DST: variants seen among roughly 807,000 people sequenced by gnomAD.
The protein encoded by DST is bullous pemphigoid antigen.
Under a neutral mutation model 875.2 loss-of-function variants are expected in DST, and 253 were observed. That is an observed-to-expected ratio of 0.29 (90% CI 0.26 to 0.32). The LOEUF is 0.32. DST is among the 10% of genes least tolerant of loss of function. DST has a pLI of 1.00. For synonymous variants in DST, 3,124 were observed against 3,197.1 expected (o/e 0.98, Z 0.77); for missense variants, 8,287 against 9,111.6 (o/e 0.91, Z 3.68).
At chr6:56,812,109 A>AAAAAGAAAAAAAAAGAAAAG (rs2099760879) in intron 4 of DST, among the ~76,000 whole-genome samples, 1 of 111,802 alleles carries the variant, frequency 8.9e-6, no homozygotes, top group Admixed American at 1.1e-4. Flanking sequence ...CTCAAAAAAA[A>AAAAAGAAAAAAAAAGAAAAG]AAAAGAAAAG....
chr6:56,718,375 C>G (rs545954744), intron 5 of DST, among the ~76,000 whole-genome samples: 4 of 152,188 alleles, frequency 2.6e-5, no homozygotes, highest in Non-Finnish European at 5.9e-5. Context: ...ACACTTCACA[C>G]CTTCTAGGAT....
chr6:56,667,317 T>C (rs2099076995), intron 10 of DST, among the ~76,000 whole-genome samples: 1 of 152,242 alleles, frequency 6.6e-6, no homozygotes, highest in African/African-American at 2.4e-5. Context: ...TTAGAATAAA[T>C]CAAGGCATTC....
intron 10 of DST, among the ~76,000 whole-genome samples, chr6:56,669,907 G>A (rs1432530824): frequency 6.6e-6 from 1 of 152,156 alleles, no homozygotes; most frequent in Non-Finnish European, 1.5e-5. Flanking sequence ...TGTTAATAAT[G>A]CTCACCAGGA....
chr6:56,630,060 G>A (rs945315566), intron 31 of DST, among the ~76,000 whole-genome samples, 185 bp downstream of exon 31: 1 of 152,140 alleles, frequency 6.6e-6, no homozygotes, highest in Non-Finnish European at 1.5e-5. Flanking sequence ...AACTTCAAAT[G>A]AGAACTCTCC....
intron 87 of DST, among the ~76,000 whole-genome samples, chr6:56,486,242 G>C (rs960699901): frequency 2.0e-5 from 3 of 151,486 alleles, no homozygotes; most frequent in Non-Finnish European, 4.4e-5. Flanking sequence ...GGACGCCTGT[G>C]GTCCCAGCTG....
rs771094959 is a variant in DST, at chr6:56,604,580, C to T, written c.10048G>A (p.Val3350Ile). ...ATATCCTTTACATCCTCCACAAATA[C>T]CTGAGACAATTCAGGAATCTGAACC... Reference protein sequence around the residue: ...KEVQIPELSQVFVEDVKDILK... With the variant: ...KEVQIPELSQIFVEDVKDILK... Residue 3350 changes from valine (V) to isoleucine (I), a missense_variant, in exon 40 of 104, where the codon GTA (valine) becomes ATA (isoleucine). By Grantham distance (29) the Val-to-Ile change is conservative (BLOSUM62 3). Around this residue, in one of 10 missense-constraint regions of DST, gnomAD observed 3,138 missense variants for 3,116.6 expected, o/e 1.01. Coordinates refer to ENST00000680361, the MANE Select transcript of DST (RefSeq NM_001374736.1). 1.9e-6 allele frequency: 3 copies of T among 1,611,770 alleles called. No homozygotes were observed. The highest frequency in any genetic ancestry group is 2.5e-6 in the Non-Finnish European group (3 of 1,178,966).
At chr6:56,746,662 A>G (rs1386784391) in intron 4 of DST, among the ~76,000 whole-genome samples, 7 of 152,146 alleles carry the variant, frequency 4.6e-5, no homozygotes, top group African/African-American at 1.7e-4. Context: ...AGGTTGGTAG[A>G]TGGTGTCTTT....
In DST at chr6:56,603,669, C is replaced by T. The variant is rs755041610; in HGVS notation, c.10836G>A (p.Met3612Ile). ...LQQCLQHTEK[M>I]HEYLTLLQDM... ...CTTGAAGCAATGTCAAATACTCATG[C>T]ATTTTTTCAGTGTGCTGTAAACACT... Residue 3612 changes from methionine (M) to isoleucine (I), a missense_variant, in exon 41 of 104, where the codon ATG becomes ATA. Coordinates refer to ENST00000680361, the MANE Select transcript of DST (RefSeq NM_001374736.1). 16 of 1,609,680 alleles carry T rather than the reference C, an allele frequency of 9.9e-6. No individual in the cohort carries two copies. Among genetic ancestry groups the T allele is most frequent in the Non-Finnish European group, 1.2e-5 (14 of 1,178,448 alleles).
intron 2 of DST, among the ~76,000 whole-genome samples, chr6:56,935,944 C>CA (rs979688814): frequency 1.3e-5 from 2 of 151,828 alleles, no homozygotes; most frequent in African/African-American, 4.8e-5. Flanking sequence ...AAAAGAAAAA[C>CA]AAAAAGAATA....
chr6:56,556,811 T>G (rs2097428504), intron 59 of DST, among the ~76,000 whole-genome samples: 1 of 152,202 alleles, frequency 6.6e-6, no homozygotes, highest in South Asian at 2.1e-4. Flanking sequence ...ACTAACACCC[T>G]GGGTTTCAGG....
chr6:56,500,203 G>A (rs4544910), intron 80 of DST, among the ~76,000 whole-genome samples: 109,810 of 151,986 alleles, frequency 0.72, 39,854 homozygotes, highest in East Asian at 0.77. Context: ...CTATTTGATA[G>A]TTAAGGAAAA....
At chr6:56,503,941 G>T in intron 78 of DST, 56 bp downstream of exon 78, 1 of 1,186,830 alleles carries the variant, frequency 8.4e-7, no homozygotes, top group Non-Finnish European at 1.2e-6. Context: ...AAAATTATGT[G>T]AATCAAGGAC....
chr6:56,501,506 G>C lies in DST; in HGVS notation c.19740+14C>G. The C allele has an allele frequency of 6.7e-7, 1 of 1,484,012 alleles. No homozygotes were observed. Among genetic ancestry groups the C allele is most frequent in the Non-Finnish European group, 8.9e-7 (1 of 1,118,240 alleles). 91.9% of individuals were successfully genotyped at this position (1,484,012 alleles called of 1,614,324 possible). On this transcript the variant is annotated intron_variant, in intron 79 of 103. Coordinates refer to ENST00000680361, the MANE Select transcript of DST (RefSeq NM_001374736.1). ...GAAAATTTATAATTTCTTAAGAAAA[G>C]TCTTGGTATTTACCTGTCTGTTGAT...
intron 51 of DST, among the ~76,000 whole-genome samples, chr6:56,573,463 T>C (rs2097809070): frequency 6.6e-6 from 1 of 152,172 alleles, no homozygotes. Context: ...TAATGAATAA[T>C]ATTCAAGAAA....
intron 36 of DST, chr6:56,616,799 T>C (rs1472538139): frequency 6.2e-7 from 1 of 1,614,192 alleles, no homozygotes; most frequent in Non-Finnish European, 8.5e-7. Flanking sequence ...TGACAATGTC[T>C]TAGAAGAATA....
intron 4 of DST, among the ~76,000 whole-genome samples, chr6:56,778,144 G>C (rs1255334414): frequency 6.6e-6 from 1 of 152,052 alleles, no homozygotes; most frequent in Non-Finnish European, 1.5e-5. Flanking sequence ...GCTTCTACTA[G>C]CATAGTTCTT....
chr6:56,628,909 C>A (rs1291390314), intron 32 of DST, among the ~76,000 whole-genome samples: 1 of 152,182 alleles, frequency 6.6e-6, no homozygotes, highest in Non-Finnish European at 1.5e-5. Context: ...ACAGCCCTAT[C>A]ACATGCATGC....
In DST at chr6:56,508,535, T is replaced by C. The variant is rs1355998778; in HGVS notation, c.19233A>G (p.Ala6411=). 9 of 1,612,922 alleles carry C rather than the reference T, an allele frequency of 5.6e-6. No individual in the cohort carries two copies. Among genetic ancestry groups the C allele is most frequent in the Non-Finnish European group, 7.6e-6 (9 of 1,179,116 alleles). The change falls in exon 75 of 104, where the codon GCA becomes GCG. Residue 6411 remains alanine, a synonymous_variant. Coordinates refer to ENST00000680361, the MANE Select transcript of DST (RefSeq NM_001374736.1). The part of the protein sequence containing the change: ...DPSVVKQQQE[A]AETIREEIDG... Reference sequence around the variant, plus strand: ...AATGAGATTTTCTGCTTACCTCTGCTGCTTCTTGCTGTTGTTTTACTACTG... The same window carrying C: ...AATGAGATTTTCTGCTTACCTCTGCCGCTTCTTGCTGTTGTTTTACTACTG...
chr6:56,904,132 A>C (rs73459715), intron 2 of DST, among the ~76,000 whole-genome samples: 6,364 of 152,310 alleles, frequency 0.042, 443 homozygotes, highest in African/African-American at 0.15. Flanking sequence ...CACTATAATT[A>C]CTATGGATAT....
Sources: allele counts gnomAD v4.1 joint callset (sites outside exome capture counted in the v4.1 genomes callset), GRCh38; gene constraint gnomAD v4.1.1; regional missense constraint gnomAD v4.1.1; transcripts MANE v1.5; gene names NCBI Gene and HGNC (gene_info 2026-07-23, HGNC 2026-07-21).